The following ITGBL1 variants were observed in gnomAD, a reference collection of about 807,000 sequenced individuals.
ITGBL1 encodes the protein integrin beta-like protein 1.
In ITGBL1, 51 loss-of-function variants were observed where a neutral mutation model predicts 68.5. That is an observed-to-expected ratio of 0.74 (90% CI 0.59 to 0.94). The LOEUF (loss-of-function observed/expected upper bound fraction) is 0.94, where lower values mean the gene tolerates loss of function less well. Ranked by LOEUF, ITGBL1 falls within the 40% of genes least tolerant of loss-of-function variation. ITGBL1 has a pLI of 0.00. For missense variants in ITGBL1, 649 were observed against 647.4 expected (o/e 1.00, Z -0.03); for synonymous variants, 209 against 227.3 (o/e 0.92, Z 0.72).
chr13:101,484,059 T>G lies in ITGBL1; in HGVS notation c.316+29959T>G, dbSNP rs530445340. Among the ~76,000 whole-genome samples the G allele has an allele frequency of 2.4e-4, 36 of 150,644 alleles. No homozygotes were observed. The South Asian group carries it at 4.6e-3, about 19-fold the overall frequency. ...TCTTTTTTGTAGACGGCATATTTGG[T>G]TTTTTTTTCCCCTGCTTTTTGTCTA... On this transcript the variant is annotated intron_variant, in intron 2 of 10. Coordinates refer to ENST00000376180, the MANE Select transcript of ITGBL1 (RefSeq NM_004791.3).
intron 2 of ITGBL1, among the ~76,000 whole-genome samples, chr13:101,455,556 A>G (rs1340087557): frequency 6.6e-6 from 1 of 152,034 alleles, no homozygotes; most frequent in Non-Finnish European, 1.5e-5. Context: ...AATCCCAGCT[A>G]CTTGGGAGGC....
At chr13:101,547,496 G>C (rs886884730) in intron 2 of ITGBL1, among the ~76,000 whole-genome samples, 2 of 151,688 alleles carry the variant, frequency 1.3e-5, no homozygotes, top group African/African-American at 4.8e-5. Context: ...TATACAAAAA[G>C]AGTGTTGCAA....
intron 2 of ITGBL1, among the ~76,000 whole-genome samples, chr13:101,508,136 G>T (rs191997500): frequency 6.6e-6 from 1 of 152,044 alleles, no homozygotes; most frequent in Admixed American, 6.6e-5. Context: ...AGCATTAGTG[G>T]CAATCTGTAA....
intron 7 of ITGBL1, among the ~76,000 whole-genome samples, chr13:101,662,853 A>G (rs1594963631): frequency 1.3e-5 from 2 of 152,010 alleles, no homozygotes; most frequent in Admixed American, 1.3e-4. Flanking sequence ...GTCTTCCCAC[A>G]GTGTCTGAAC....
chr13:101,564,667 G>A (rs1055559790), intron 2 of ITGBL1, among the ~76,000 whole-genome samples: 2 of 148,846 alleles, frequency 1.3e-5, no homozygotes, highest in African/African-American at 4.9e-5. Flanking sequence ...CAATGAACTT[G>A]TATCCAGGAT....
At chr13:101,499,292 G>T (rs2139080609) in intron 2 of ITGBL1, among the ~76,000 whole-genome samples, 1 of 152,268 alleles carries the variant, frequency 6.6e-6, no homozygotes, top group South Asian at 2.1e-4. Context: ...TCAAAGACCA[G>T]GTGTTGCTGG....
intron 2 of ITGBL1, among the ~76,000 whole-genome samples, chr13:101,467,818 C>A (rs573255332): frequency 1.3e-5 from 2 of 152,228 alleles, no homozygotes; most frequent in South Asian, 4.1e-4. Flanking sequence ...TGAATACCTA[C>A]CCACTCTAGT....
At chr13:101,597,704 C>A (rs1159486265) in intron 6 of ITGBL1, among the ~76,000 whole-genome samples, 1 of 152,074 alleles carries the variant, frequency 6.6e-6, no homozygotes, top group African/African-American at 2.4e-5. Context: ...AGGTGCACGC[C>A]ACCATGCCTG....
At chr13:101,614,576 T>C (rs2031273738) in intron 7 of ITGBL1, among the ~76,000 whole-genome samples, 1 of 152,168 alleles carries the variant, frequency 6.6e-6, no homozygotes, top group African/African-American at 2.4e-5. Flanking sequence ...CCCTACAATC[T>C]GTTCCCAGCC....
intron 7 of ITGBL1, among the ~76,000 whole-genome samples, chr13:101,621,124 C>T (rs1009148322): frequency 4.6e-5 from 7 of 152,164 alleles, no homozygotes; most frequent in East Asian, 1.9e-4. Flanking sequence ...TTTGTACCTA[C>T]GCAGCTTTCT....
chr13:101,674,866 T>C (rs1336393793), intron 7 of ITGBL1, among the ~76,000 whole-genome samples: 1 of 152,090 alleles, frequency 6.6e-6, no homozygotes, highest in Non-Finnish European at 1.5e-5. Context: ...ATTTACCCTA[T>C]ATTTGCTTTT....
At chr13:101,554,981 T>A (rs1430474135) in intron 2 of ITGBL1, among the ~76,000 whole-genome samples, 1 of 152,196 alleles carries the variant, frequency 6.6e-6, no homozygotes, top group Non-Finnish European at 1.5e-5. Flanking sequence ...TTGTAACATC[T>A]CTTGATTTCA....
chr13:101,491,367 T>C (rs970938626), intron 2 of ITGBL1, among the ~76,000 whole-genome samples: 3 of 152,154 alleles, frequency 2.0e-5, no homozygotes, highest in African/African-American at 7.2e-5. Context: ...TTAACCTACT[T>C]TGAACATTTT....
chr13:101,711,762 G>C (rs555396225), intron 9 of ITGBL1: 2 of 152,190 alleles, frequency 1.3e-5, no homozygotes, highest in African/African-American at 2.4e-5. Flanking sequence ...TGATTCCCCA[G>C]GGATGGAAGC....
At chr13:101,679,409 T>C (rs543441420) in intron 7 of ITGBL1, among the ~76,000 whole-genome samples, 2 of 152,318 alleles carry the variant, frequency 1.3e-5, no homozygotes, top group African/African-American at 2.4e-5. Context: ...CAGTATTTCA[T>C]AGGACTTATG....
intron 7 of ITGBL1, among the ~76,000 whole-genome samples, chr13:101,628,491 G>C (rs1477972594): frequency 6.6e-6 from 1 of 150,422 alleles, no homozygotes; most frequent in East Asian, 2.0e-4. Context: ...GGAGTGCAGT[G>C]GCATGATCTC....
intron 7 of ITGBL1, among the ~76,000 whole-genome samples, chr13:101,623,900 A>T (rs1396289136): frequency 4.6e-5 from 7 of 152,144 alleles, no homozygotes; most frequent in African/African-American, 1.7e-4. Flanking sequence ...CCCTGTTTTA[A>T]ATCCCATTTT....
chr13:101,461,304 A>G (rs1414228299), intron 2 of ITGBL1, among the ~76,000 whole-genome samples: 1 of 152,124 alleles, frequency 6.6e-6, no homozygotes, highest in African/African-American at 2.4e-5. Context: ...ATAAACCCCC[A>G]CAAAAGCTGC....
intron 6 of ITGBL1, among the ~76,000 whole-genome samples, chr13:101,596,234 C>A (rs530092383): frequency 6.6e-6 from 1 of 152,142 alleles, no homozygotes; most frequent in East Asian, 1.9e-4. Flanking sequence ...AATCTAAAAA[C>A]GTTGAACTCT....
Sources: allele counts gnomAD v4.1 joint callset (sites outside exome capture counted in the v4.1 genomes callset), GRCh38; gene constraint gnomAD v4.1.1; transcripts MANE v1.5; gene names NCBI Gene and HGNC (gene_info 2026-07-23, HGNC 2026-07-21).